SLC24A3: variants seen among roughly 807,000 people sequenced by gnomAD.
The protein encoded by SLC24A3 is sodium/potassium/calcium exchanger 3.
A neutral mutation model predicts 75.8 loss-of-function variants in SLC24A3; 28 were observed. That is an observed-to-expected ratio of 0.37 (90% CI 0.27 to 0.51). The LOEUF (loss-of-function observed/expected upper bound fraction) is 0.51, where lower values mean the gene tolerates loss of function less well. Among genes scored for constraint, SLC24A3 ranks in the 20% least tolerant of loss-of-function variants. SLC24A3 has a pLI of 0.94. For synonymous variants in SLC24A3, 372 were observed against 334.1 expected (o/e 1.11, Z -1.24); for missense variants, 663 against 847.8 (o/e 0.78, Z 2.71).
At chr20:19,221,981 T>G (rs576323906) in intron 1 of SLC24A3, among the ~76,000 whole-genome samples, 18 of 152,310 alleles carry the variant, frequency 1.2e-4, no homozygotes, top group African/African-American at 7.2e-5. Context: ...ATTATTTGGG[T>G]GTTTGACTTC....
intron 3 of SLC24A3, among the ~76,000 whole-genome samples, chr20:19,546,429 C>T (rs545631752): frequency 1.9e-4 from 29 of 152,256 alleles, no homozygotes; most frequent in African/African-American, 6.3e-4. Flanking sequence ...TAATAGATTA[C>T]AAACCAAATC....
In SLC24A3 at chr20:19,720,382, G is replaced by A. The variant is rs138646664; in HGVS notation, c.1786-609G>A. ...AGTGCAGTGGAGAGTGGCAAGAGCC[G>A]GGCGGAAAGCTTCAAGGATAGGCAG... On this transcript the variant is annotated intron_variant, in intron 16 of 16. Coordinates refer to ENST00000328041, the MANE Select transcript of SLC24A3 (RefSeq NM_020689.4). Among the ~76,000 whole-genome samples the A allele has an allele frequency of 4.5e-3, 681 of 152,282 alleles. 7 individuals are homozygous for A. The highest frequency in any genetic ancestry group is 0.015 in the African/African-American group (638 of 41,560).
intron 2 of SLC24A3, among the ~76,000 whole-genome samples, chr20:19,336,856 C>T (rs1985148419): frequency 6.6e-6 from 1 of 152,092 alleles, no homozygotes; most frequent in Non-Finnish European, 1.5e-5. Context: ...TACAAAACTT[C>T]CTCTTTATAA....
At chr20:19,568,951 C>T (rs1218344615) in intron 3 of SLC24A3, among the ~76,000 whole-genome samples, 1 of 152,128 alleles carries the variant, frequency 6.6e-6, no homozygotes, top group Admixed American at 6.5e-5. Flanking sequence ...GTTATTGGCC[C>T]TTCCAGTTCC....
intron 7 of SLC24A3, among the ~76,000 whole-genome samples, chr20:19,663,439 T>TCCACTTCCTCCTCCACCTC (rs1568689606): frequency 7.4e-5 from 1 of 13,446 alleles, no homozygotes; most frequent in Non-Finnish European, 1.2e-4. Flanking sequence ...TCCTCCGCCT[T>TCCACTTCCTCCTCCACCTC]CTCATCCTCC....
Position 19,584,923 on chromosome 20 carries a change from C to T in SLC24A3, c.424-48C>T, listed in dbSNP as rs200312200. The T allele has an allele frequency of 1.5e-4, 231 of 1,548,526 alleles. 1 individual carries two copies. The East Asian group carries it at 4.6e-3, about 31-fold the overall frequency. On this transcript the variant is annotated intron_variant, in intron 4 of 16. Transcript: ENST00000328041. ...TCGGGTGTCACAGTCACCTCTCTTC[C>T]GAGATGGAATCCCAACTCACCTGTG... is the stretch of plus-strand genomic sequence containing the variant.
At chr20:19,279,806 G>C (rs1455446060) in intron 1 of SLC24A3, among the ~76,000 whole-genome samples, 2 of 152,184 alleles carry the variant, frequency 1.3e-5, no homozygotes, top group Non-Finnish European at 2.9e-5. Flanking sequence ...GGATGTCCAA[G>C]GTGATGCCCA....
At chr20:19,680,332 A>G (rs754144610) in intron 9 of SLC24A3, among the ~76,000 whole-genome samples, 2 of 152,050 alleles carry the variant, frequency 1.3e-5, no homozygotes, top group Non-Finnish European at 2.9e-5. Context: ...TGTGTTTCCT[A>G]TATGTCTGTA....
At chr20:19,268,656 G>A (rs1455301287) in intron 1 of SLC24A3, among the ~76,000 whole-genome samples, 1 of 152,186 alleles carries the variant, frequency 6.6e-6, no homozygotes, top group Non-Finnish European at 1.5e-5. Context: ...ATAAGTCCAT[G>A]TATCTTCCCA....
chr20:19,379,381 A>G (rs991946975), intron 2 of SLC24A3, among the ~76,000 whole-genome samples: 4 of 152,198 alleles, frequency 2.6e-5, no homozygotes, highest in African/African-American at 9.6e-5. Flanking sequence ...GATGCCAGCC[A>G]CGTGGGATCA....
chr20:19,357,691 A>T (rs954064036), intron 2 of SLC24A3, among the ~76,000 whole-genome samples: 1 of 152,128 alleles, frequency 6.6e-6, no homozygotes, highest in African/African-American at 2.4e-5. Flanking sequence ...GAAATTGGAG[A>T]TACATACATA....
chr20:19,323,795 G>A (rs1174654451), intron 2 of SLC24A3, among the ~76,000 whole-genome samples: 1 of 152,184 alleles, frequency 6.6e-6, no homozygotes, highest in African/African-American at 2.4e-5. Flanking sequence ...TTGCTGAGAT[G>A]GCAGAAGAAT....
intron 2 of SLC24A3, among the ~76,000 whole-genome samples, chr20:19,393,999 G>A (rs559087214): frequency 2.6e-5 from 4 of 152,260 alleles, no homozygotes; most frequent in African/African-American, 9.6e-5. Context: ...TAGTACTTGT[G>A]TAAAGACAGA....
At chr20:19,593,969 C>T (rs1323383448) in intron 6 of SLC24A3, among the ~76,000 whole-genome samples, 1 of 152,146 alleles carries the variant, frequency 6.6e-6, no homozygotes, top group East Asian at 1.9e-4. Context: ...CCGGGTGGGC[C>T]CAGGCACCCC....
At chr20:19,637,208 G>A (rs1022526214) in intron 6 of SLC24A3, among the ~76,000 whole-genome samples, 1 of 152,240 alleles carries the variant, frequency 6.6e-6, no homozygotes, top group Non-Finnish European at 1.5e-5. Context: ...GGCTGAGGCA[G>A]GTGAATCGCT....
chr20:19,629,914 T>G (rs2031913293), intron 6 of SLC24A3, among the ~76,000 whole-genome samples: 1 of 152,172 alleles, frequency 6.6e-6, no homozygotes. Context: ...ACCTTCAAGT[T>G]GAAACAAAAG....
At chr20:19,690,167 A>G (rs1271680997) in intron 12 of SLC24A3, among the ~76,000 whole-genome samples, 4 of 152,168 alleles carry the variant, frequency 2.6e-5, no homozygotes. Context: ...ACATTTAAAT[A>G]TATGATTCAG....
At chr20:19,299,384 A>G (rs752427511) in intron 2 of SLC24A3, among the ~76,000 whole-genome samples, 11 of 152,148 alleles carry the variant, frequency 7.2e-5, no homozygotes, top group Non-Finnish European at 1.6e-4. Flanking sequence ...CTAGGTCTAG[A>G]ATGAGAGGAA....
At chr20:19,588,090 G>A (rs150018705) in intron 6 of SLC24A3, among the ~76,000 whole-genome samples, 105 of 152,272 alleles carry the variant, frequency 6.9e-4, no homozygotes, top group African/African-American at 2.4e-3. Context: ...GGAGATGTTC[G>A]TAGAAAAACA....
Sources: gnomAD v4.1 joint callset for allele counts (sites outside exome capture counted in the v4.1 genomes callset) on GRCh38, gnomAD v4.1.1 for gene constraint, MANE v1.5 for transcripts, NCBI Gene and HGNC (gene_info 2026-07-23, HGNC 2026-07-21) for gene names.